The following CLIP4 variants were observed in gnomAD, a reference collection of about 807,000 sequenced individuals.
The protein encoded by CLIP4 is CAP-Gly domain containing linker protein family member 4.
A neutral mutation model predicts 73.1 loss-of-function variants in CLIP4; 47 were observed. That is an observed-to-expected ratio of 0.64 (90% CI 0.51 to 0.82). CLIP4 has a LOEUF of 0.82. Ranked by LOEUF, CLIP4 falls within the 40% of genes least tolerant of loss-of-function variation. The pLI, the probability that CLIP4 is intolerant of heterozygous loss-of-function variation, is 0.00. For missense variants in CLIP4, 874 were observed against 852.9 expected (o/e 1.02, Z -0.31); for synonymous variants, 306 against 295.4 (o/e 1.04, Z -0.37).
At chr2:29,098,961 A>G (rs1485226307) in intron 1 of CLIP4, among the ~76,000 whole-genome samples, 1 of 152,226 alleles carries the variant, frequency 6.6e-6, no homozygotes, top group Non-Finnish European at 1.5e-5. Context: ...CTAATGACAT[A>G]TGATGTTAGC....
intron 13 of CLIP4, among the ~76,000 whole-genome samples, chr2:29,164,748 C>G (rs541514769): frequency 6.6e-6 from 1 of 152,314 alleles, no homozygotes; most frequent in Admixed American, 6.5e-5. Context: ...ACTGTTGTGA[C>G]TATCTCCTGG....
chr2:29,155,040 C>G (rs773285587), intron 9 of CLIP4, among the ~76,000 whole-genome samples: 18 of 152,178 alleles, frequency 1.2e-4, no homozygotes, highest in African/African-American at 4.8e-5. Context: ...GTCAACACCT[C>G]TTACAAGGAA....
intron 6 of CLIP4, among the ~76,000 whole-genome samples, chr2:29,142,308 G>GTT (rs559671885): frequency 6.9e-6 from 1 of 145,482 alleles, no homozygotes. Context: ...TATTATTTAG[G>GTT]TTTTTTTTTT....
chr2:29,113,440 C>G (rs116182151), upstream of CLIP4, among the ~76,000 whole-genome samples: 1,243 of 152,260 alleles, frequency 8.2e-3, 14 homozygotes, highest in African/African-American at 0.029. The surrounding 1 kb of genome is among the most constrained non-coding windows in gnomAD (Gnocchi z 4.0). Context: ...CTGGGCAATA[C>G]CTGGTTCTAA....
intron 7 of CLIP4, among the ~76,000 whole-genome samples, chr2:29,144,798 CT>C (rs34304199): frequency 0.12 from 10,127 of 84,112 alleles, 204 homozygotes; most frequent in Middle Eastern, 0.22. Context: ...AGTTATATCC[CT>C]TTTTTTTTTT....
intron 2 of CLIP4, among the ~76,000 whole-genome samples, chr2:29,123,552 C>T (rs1204675133): frequency 6.6e-6 from 1 of 152,140 alleles, no homozygotes; most frequent in African/African-American, 2.4e-5. Context: ...TCAGAAGAGG[C>T]TGGCTGTGAG....
chr2:29,104,303 A>G (rs1355998277), intron 1 of CLIP4, among the ~76,000 whole-genome samples: 1 of 151,248 alleles, frequency 6.6e-6, no homozygotes, highest in Non-Finnish European at 1.5e-5. Context: ...GTTTTGAGAC[A>G]GGGTCTCTGT....
rs1663727345 is a variant in CLIP4 at position 29,115,522 on chromosome 2, G to C, written c.-159G>C. On this transcript the variant is annotated 5_prime_UTR_variant, in exon 1 of 16. Transcript: ENST00000320081. This position sits in a 1 kb window ranked among gnomAD's most constrained non-coding sequence, Gnocchi z 5.1. Reference sequence around the variant, plus strand: ...CACCCCGCGTGGGAGGCAGCGGGAGGGGCCCGGAGAGGTGTGGAGCGGCGC... The same window carrying C: ...CACCCCGCGTGGGAGGCAGCGGGAGCGGCCCGGAGAGGTGTGGAGCGGCGC... 1 of 148,096 alleles carries C rather than the reference G, an allele frequency of 6.8e-6. No individual in the cohort carries two copies. Among genetic ancestry groups the C allele is most frequent in the Admixed American group, 6.7e-5 (1 of 14,916 alleles). The allele number at this position is 148,096 out of a possible 1,614,324, so 9.2% of individuals were successfully genotyped here.
intron 1 of CLIP4, among the ~76,000 whole-genome samples, chr2:29,101,337 G>T (rs188799533): frequency 1.3e-5 from 2 of 148,510 alleles, no homozygotes; most frequent in African/African-American, 2.5e-5. Flanking sequence ...TAGGGAAGCC[G>T]ATAGTACAAT....
chr2:29,120,785 TA>T (rs1664199685), intron 1 of CLIP4, among the ~76,000 whole-genome samples: 1 of 152,148 alleles, frequency 6.6e-6, no homozygotes, highest in African/African-American at 2.4e-5. Context: ...CCATGTGCTT[TA>T]AAAGGCATGG....
intron 6 of CLIP4, among the ~76,000 whole-genome samples, chr2:29,140,612 G>GGA (rs1202976835): frequency 6.6e-6 from 1 of 152,140 alleles, no homozygotes. Context: ...GGATGGCTGG[G>GGA]TCAAATGGTA....
intron 8 of CLIP4, among the ~76,000 whole-genome samples, chr2:29,150,349 T>C (rs2148017743): frequency 6.6e-6 from 1 of 152,346 alleles, no homozygotes; most frequent in East Asian, 1.9e-4. Context: ...GAGGGTTTAC[T>C]AATACTGAAA....
chr2:29,172,987 G>A (rs1362008191), intron 14 of CLIP4, among the ~76,000 whole-genome samples: 2 of 151,198 alleles, frequency 1.3e-5, no homozygotes, highest in Non-Finnish European at 2.9e-5. Context: ...CTTTTATTTT[G>A]TGTTAAATAA....
intron 5 of CLIP4, 76 bp downstream of exon 5, chr2:29,133,892 A>G: frequency 7.7e-7 from 1 of 1,301,790 alleles, no homozygotes; most frequent in Non-Finnish European, 1.0e-6. Flanking sequence ...TAATTCAAGG[A>G]TATTTTTTCC....
chr2:29,115,009 A>T (rs1057081846), upstream of CLIP4: 8 of 152,538 alleles, frequency 5.2e-5, no homozygotes, highest in Admixed American at 3.3e-4. The surrounding 1 kb of genome is among the most constrained non-coding windows in gnomAD (Gnocchi z 5.1). Context: ...GTGAAGAGGC[A>T]GCAAAGCCGC....
intron 4 of CLIP4, 96 bp from the exon 5 acceptor site, chr2:29,133,559 C>T: frequency 1.7e-6 from 2 of 1,151,076 alleles, no homozygotes; most frequent in South Asian, 3.1e-5. Flanking sequence ...ATACAGTGCA[C>T]TGTTTGCTTT....
chr2:29,176,054 C>T (rs1242021733), intron 15 of CLIP4, among the ~76,000 whole-genome samples: 1 of 152,222 alleles, frequency 6.6e-6, no homozygotes, highest in African/African-American at 2.4e-5. Context: ...AGCCACCGCA[C>T]CCGGCTGAGA....
intron 15 of CLIP4, among the ~76,000 whole-genome samples, chr2:29,180,555 A>G (rs550312785): frequency 2.6e-5 from 4 of 152,232 alleles, no homozygotes; most frequent in Non-Finnish European, 5.9e-5. Flanking sequence ...GTTCATACAT[A>G]GAACATACAT....
intron 13 of CLIP4, among the ~76,000 whole-genome samples, chr2:29,164,349 C>A (rs1667470537): frequency 1.3e-5 from 2 of 152,162 alleles, no homozygotes; most frequent in African/African-American, 2.4e-5. Context: ...CTCCTACAAA[C>A]CTAATGGAAC....
Sources: gnomAD v4.1 joint callset for allele counts (sites outside exome capture counted in the v4.1 genomes callset) on GRCh38, gnomAD v4.1.1 for gene constraint, Gnocchi (gnomAD v3.1) non-coding constraint, MANE v1.5 for transcripts, NCBI Gene and HGNC (gene_info 2026-07-23, HGNC 2026-07-21) for gene names.